Variants in PCDH7 observed in about 807,000 individuals in gnomAD.
The protein encoded by PCDH7 is protocadherin-7.
A neutral mutation model predicts 58.9 loss-of-function variants in PCDH7; 17 were observed. The ratio of observed to expected loss-of-function variants is 0.29; its 90% confidence interval spans 0.20 to 0.43. The LOEUF (loss-of-function observed/expected upper bound fraction) is 0.43, where lower values mean the gene tolerates loss of function less well. PCDH7 is among the 20% of genes least tolerant of loss of function. PCDH7 has a pLI of 1.00. For missense variants in PCDH7, 1,274 were observed against 1,441.0 expected, an observed-to-expected ratio of 0.88 and a Z score of 1.88; for synonymous variants, 664 against 616.4, an observed-to-expected ratio of 1.08 and a Z score of -1.14.
chr4:30,991,142 C>A (rs1331601331), intron 3 of PCDH7, among the ~76,000 whole-genome samples: 1 of 152,148 alleles, frequency 6.6e-6, no homozygotes, highest in Non-Finnish European at 1.5e-5. Flanking sequence ...AAAACTTGTT[C>A]TCTTCCAATA....
At chr4:30,987,340 T>C (rs566565948) in intron 3 of PCDH7, among the ~76,000 whole-genome samples, 31 of 152,152 alleles carry the variant, frequency 2.0e-4, no homozygotes, top group African/African-American at 7.0e-4. Flanking sequence ...CTTATTTACA[T>C]ATTACTGGTA....
intron 1 of PCDH7, among the ~76,000 whole-genome samples, chr4:30,775,623 A>G (rs1721958291): frequency 6.6e-6 from 1 of 152,104 alleles, no homozygotes; most frequent in African/African-American, 2.4e-5. Context: ...GATATGAGTT[A>G]TAGGACGGGC....
intron 3 of PCDH7, among the ~76,000 whole-genome samples, chr4:30,962,963 G>C (rs1304838543): frequency 6.6e-6 from 1 of 152,104 alleles, no homozygotes; most frequent in Non-Finnish European, 1.5e-5. Flanking sequence ...AAGGTAACAA[G>C]CCTGAGGAAT....
chr4:30,763,377 A>G (rs767446558), intron 1 of PCDH7, among the ~76,000 whole-genome samples: 104 of 152,252 alleles, frequency 6.8e-4, no homozygotes, highest in Non-Finnish European at 1.3e-3. Flanking sequence ...ACAATTTTTC[A>G]TAGATGATTC....
chr4:30,724,553 G>T, exon 1 of PCDH7: 2 of 1,614,074 alleles, frequency 1.2e-6, no homozygotes, highest in Non-Finnish European at 8.5e-7. Context: ...TCAGATCACT[G>T]CTCTGAGTAC....
chr4:30,885,872 A>C (rs983306420), intron 1 of PCDH7, among the ~76,000 whole-genome samples: 4 of 152,236 alleles, frequency 2.6e-5, no homozygotes, highest in African/African-American at 4.8e-5. Flanking sequence ...GCAATGGGCA[A>C]AGGATTCCCT....
chr4:31,112,266 G>A (rs2109312767), intron 3 of PCDH7, among the ~76,000 whole-genome samples: 1 of 152,224 alleles, frequency 6.6e-6, no homozygotes, highest in South Asian at 2.1e-4. Context: ...ATGTGGCACA[G>A]AAATTTTGCA....
intron 1 of PCDH7, among the ~76,000 whole-genome samples, chr4:30,867,599 C>T (rs151212279): frequency 2.6e-5 from 4 of 152,082 alleles, no homozygotes; most frequent in African/African-American, 4.8e-5. Context: ...TTTAGACATC[C>T]GTGGATTCAA....
chr4:30,760,600 C>T lies in PCDH7; in HGVS notation c.70+36004C>T, dbSNP rs139331091. 2.0e-3 allele frequency among the ~76,000 whole-genome samples: 308 copies of T among 152,076 alleles called. 8 individuals carry two copies. In the East Asian group the frequency reaches 0.048, roughly 24 times the overall value. On this transcript the variant is annotated intron_variant, in intron 1 of 3. Coordinates refer to the PCDH7 transcript ENST00000509759. ...TGAGTGAACTCCCATTCACAATTGC[C>T]ACAAAGAGAATAAAATACCTAGGAA...
intron 1 of PCDH7, among the ~76,000 whole-genome samples, chr4:30,839,899 G>T (rs532036402): frequency 1.3e-5 from 2 of 152,086 alleles, no homozygotes; most frequent in Non-Finnish European, 2.9e-5. Flanking sequence ...TTGTAATATG[G>T]GTTTTTGAAT....
At chr4:31,068,167 C>T (rs2109248198) in intron 3 of PCDH7, among the ~76,000 whole-genome samples, 1 of 151,976 alleles carries the variant, frequency 6.6e-6, no homozygotes, top group East Asian at 1.9e-4. Context: ...TTTTCACCAT[C>T]TTGATCTTTA....
At chr4:30,893,581 T>A (rs1738893363) in intron 1 of PCDH7, among the ~76,000 whole-genome samples, 1 of 152,124 alleles carries the variant, frequency 6.6e-6, no homozygotes, top group Non-Finnish European at 1.5e-5. Flanking sequence ...AGCTAATACT[T>A]CTGCAGAAAT....
intron 3 of PCDH7, among the ~76,000 whole-genome samples, chr4:31,010,023 T>C (rs940582817): frequency 4.6e-5 from 7 of 152,000 alleles, no homozygotes; most frequent in African/African-American, 1.7e-4. Context: ...TACTGAATCA[T>C]AAGATTTCAA....
Position 30,765,125 on chromosome 4 carries a change from CTTTTT to C in PCDH7, c.70+40551_70+40555del, listed in dbSNP as rs10692198. ...GGAAAGAGAGATAGGACTTCAGATG[CTTTTT>C]TTTTTTTTTTTTTTTTTTTTTAAGA... On this transcript the variant is annotated intron_variant, in intron 1 of 3. Coordinates refer to the PCDH7 transcript ENST00000509759. Among the ~76,000 whole-genome samples the C allele has an allele frequency of 1.2e-3, 57 of 49,212 alleles. 2 individuals carry two copies. The South Asian group carries it at 0.015, about 13-fold the overall frequency. 32.3% of individuals were successfully genotyped at this position (49,212 alleles called of 152,430 possible). A position where few individuals can be genotyped will look rare whatever the true frequency, so the allele number is the denominator to read the frequency against.
intron 3 of PCDH7, among the ~76,000 whole-genome samples, chr4:30,999,629 A>T (rs769722486): frequency 2.0e-5 from 3 of 152,158 alleles, no homozygotes; most frequent in African/African-American, 7.2e-5. Flanking sequence ...TTTTGTAAAG[A>T]CACGGGACCA....
intron 3 of PCDH7, among the ~76,000 whole-genome samples, chr4:31,105,781 G>A (rs1715477330): frequency 6.6e-6 from 1 of 152,104 alleles, no homozygotes; most frequent in Non-Finnish European, 1.5e-5. Flanking sequence ...GCCGAGGTGG[G>A]CGGATCACGA....
In PCDH7 at chr4:30,968,373, ACAC is replaced by A. The variant is rs1297950615; in HGVS notation, c.*7+18159_*7+18161del. Among the ~76,000 whole-genome samples the A allele has an allele frequency of 5.8e-4, 53 of 91,622 alleles. 1 individual carries two copies. The highest frequency in any genetic ancestry group is 2.0e-3 in the African/African-American group (48 of 23,448). The allele number at this position is 91,622 out of a possible 152,430, so 60.1% of individuals were successfully genotyped here. On this transcript the variant is annotated intron_variant, in intron 3 of 3. Coordinates refer to the PCDH7 transcript ENST00000509759. Reference sequence around the variant, plus strand: ...ATATACACACACTATATATATACACACACTATATATATATATATATATATATAT... The same window carrying A: ...ATATACACACACTATATATATACACATATATATATATATATATATATATAT...
At chr4:31,060,362 C>T (rs890038064) in intron 3 of PCDH7, among the ~76,000 whole-genome samples, 1 of 151,644 alleles carries the variant, frequency 6.6e-6, no homozygotes, top group African/African-American at 2.4e-5. Flanking sequence ...ATAAAGAAAC[C>T]TTTATTTCTT....
At chr4:30,997,819 A>T (rs1040644064) in intron 3 of PCDH7, among the ~76,000 whole-genome samples, 3 of 152,196 alleles carry the variant, frequency 2.0e-5, no homozygotes, top group Non-Finnish European at 4.4e-5. Context: ...CAAACAAATT[A>T]TCTTTTTTTC....
Sources: allele counts gnomAD v4.1 joint callset (sites outside exome capture counted in the v4.1 genomes callset), GRCh38; gene constraint gnomAD v4.1.1; transcripts MANE v1.5; gene names NCBI Gene and HGNC (gene_info 2026-07-23, HGNC 2026-07-21).